The following COBLL1 variants were observed in gnomAD, a reference collection of about 807,000 sequenced individuals.
COBLL1 encodes the protein cordon-bleu WH2 repeat protein like 1.
Under a neutral mutation model 94.8 loss-of-function variants are expected in COBLL1, and 50 were observed. The ratio of observed to expected loss-of-function variants is 0.53; its 90% CI spans 0.42 to 0.67. The LOEUF (loss-of-function observed/expected upper bound fraction) is 0.67. Ranked by LOEUF, COBLL1 falls within the 30% of genes least tolerant of loss-of-function variation. The probability of loss-of-function intolerance (pLI) is 0.00; values close to 1 mark genes in which losing one functional copy is unlikely to be tolerated. For missense variants in COBLL1, 1,362 were observed against 1,348.7 expected (o/e 1.01, Z -0.15); for synonymous variants, 448 against 473.8 (o/e 0.95, Z 0.71).
At chr2:164,764,737 C>T (rs761707128) in intron 2 of COBLL1, among the ~76,000 whole-genome samples, 3 of 152,010 alleles carry the variant, frequency 2.0e-5, no homozygotes, top group Non-Finnish European at 4.4e-5. Flanking sequence ...CTTTCTGGCC[C>T]AAGATGGGAT....
chr2:164,706,313 ACT>A lies in COBLL1; in HGVS notation c.997-1210_997-1209del, dbSNP rs1361214545. 2.6e-5 allele frequency among the ~76,000 whole-genome samples: 4 copies of A among 152,012 alleles called. No homozygotes were observed. In the East Asian group the frequency reaches 5.8e-4, roughly 22 times the overall value. On this transcript the variant is annotated intron_variant, in intron 7 of 13. Transcript: ENST00000652658. The stretch of plus-strand genomic sequence containing the variant: ...CATTTCTTACTCTCTATAGATCCGT[ACT>A]CTCTGGCTACTCAGTTTTCTGTGTC...
intron 3 of COBLL1, among the ~76,000 whole-genome samples, chr2:164,736,817 AAAG>A (rs572126591): frequency 5.4e-4 from 83 of 152,338 alleles, no homozygotes; most frequent in African/African-American, 1.9e-3. Context: ...TTGTTGTAAA[AAAG>A]AAGTGCACAT....
intron 2 of COBLL1, among the ~76,000 whole-genome samples, chr2:164,805,333 C>CTATATATATATATATA (rs1406604214): frequency 2.4e-4 from 5 of 20,554 alleles, no homozygotes; most frequent in South Asian, 1.9e-3. Flanking sequence ...CTCTCTCTCT[C>CTATATATATATATATA]TCTCTATATA....
intron 2 of COBLL1, among the ~76,000 whole-genome samples, chr2:164,781,756 A>G (rs1688733905): frequency 6.6e-6 from 1 of 152,222 alleles, no homozygotes; most frequent in Non-Finnish European, 1.5e-5. Context: ...ACTTTATTTC[A>G]AAGGCTTTAT....
rs1683626847 is a variant in COBLL1 at position 164,841,601 on chromosome 2, A to T, written c.-51+109T>A. 1 of 386,982 alleles carries T rather than the reference A, an allele frequency of 2.6e-6. No individual in the cohort carries two copies. Among genetic ancestry groups the T allele is most frequent in the Non-Finnish European group, 4.0e-6 (1 of 250,470 alleles). 24.0% of individuals were successfully genotyped at this position (386,982 alleles called of 1,614,324 possible). On this transcript the variant is annotated intron_variant, in intron 1 of 13. Transcript: ENST00000652658. This position sits in a 1 kb window ranked among gnomAD's most constrained non-coding sequence, Gnocchi z 5.5. ...GGCACCGCTGCCACGCCGGCAGCGC[A>T]CTCCCAGGCTCCTCCGGCCGAGTTT...
chr2:164,731,142 A>G (rs1426718411), intron 3 of COBLL1, among the ~76,000 whole-genome samples: 1 of 152,224 alleles, frequency 6.6e-6, no homozygotes, highest in Non-Finnish European at 1.5e-5. Context: ...TGTGTTAGTT[A>G]CAACAGCAGA....
intron 2 of COBLL1, among the ~76,000 whole-genome samples, chr2:164,820,469 C>T (rs747236482): frequency 6.6e-6 from 1 of 152,158 alleles, no homozygotes; most frequent in Non-Finnish European, 1.5e-5. Context: ...GATCTGCCCA[C>T]CTTGGCCTCC....
At chr2:164,731,855 C>T (rs1391056125) in intron 3 of COBLL1, among the ~76,000 whole-genome samples, 3 of 152,176 alleles carry the variant, frequency 2.0e-5, no homozygotes, top group African/African-American at 2.4e-5. Flanking sequence ...TCATACGGCA[C>T]GTCACCCCTA....
At chr2:164,833,712 A>G (rs1217671162) in intron 2 of COBLL1, among the ~76,000 whole-genome samples, 1 of 152,108 alleles carries the variant, frequency 6.6e-6, no homozygotes, top group Non-Finnish European at 1.5e-5. Flanking sequence ...GGCCTCCCAA[A>G]GTGCTGGGAT....
chr2:164,739,247 TA>T, intron 3 of COBLL1, among the ~76,000 whole-genome samples: 1 of 152,060 alleles, frequency 6.6e-6, no homozygotes. Flanking sequence ...TCCCTGAGCA[TA>T]AAGTCTGTGA....
At chr2:164,714,275 G>A (rs1472383400) in intron 7 of COBLL1, among the ~76,000 whole-genome samples, 1 of 148,016 alleles carries the variant, frequency 6.8e-6, no homozygotes, top group Non-Finnish European at 1.5e-5. Flanking sequence ...CTCTGATAAA[G>A]TATATAAACT....
In COBLL1 at chr2:164,841,299, C is replaced by T. The variant is rs1683598591; in HGVS notation, c.-50-53G>A. 1 of 1,215,118 alleles carries T rather than the reference C, an allele frequency of 8.2e-7. No individual in the cohort carries two copies. 75.3% of individuals were successfully genotyped at this position (1,215,118 alleles called of 1,614,324 possible). A position where few individuals can be genotyped will look rare whatever the true frequency, so the allele number is the denominator to read the frequency against. On this transcript the variant is annotated intron_variant, in intron 1 of 13. Coordinates refer to ENST00000652658, the MANE Select transcript of COBLL1 (RefSeq NM_001365672.2). The surrounding 1 kb of genome is among the most constrained non-coding windows in gnomAD (Gnocchi z 5.5). ...GGCGGGACGCGCGCCTTCCCGAGGC[C>T]GGAGCGAAGCTGGCTGAGCGTCAAG...
intron 2 of COBLL1, among the ~76,000 whole-genome samples, chr2:164,835,324 T>C (rs1265591543): frequency 6.6e-6 from 1 of 152,204 alleles, no homozygotes; most frequent in Non-Finnish European, 1.5e-5. Context: ...CAATGGAATA[T>C]TATTCAGCTA....
intron 2 of COBLL1, among the ~76,000 whole-genome samples, chr2:164,784,310 T>G (rs907657107): frequency 1.3e-5 from 2 of 152,226 alleles, no homozygotes; most frequent in Admixed American, 1.3e-4. Flanking sequence ...TCAATAAACA[T>G]GTGCTTTTGT....
chr2:164,719,356 G>C (rs1318215089), intron 7 of COBLL1, among the ~76,000 whole-genome samples: 1 of 152,174 alleles, frequency 6.6e-6, no homozygotes, highest in African/African-American at 2.4e-5. Context: ...TTACGAAGTT[G>C]ATGTACAGTT....
intron 13 of COBLL1, chr2:164,687,213 C>CTT (rs879090827): frequency 1.5e-3 from 507 of 342,514 alleles, no homozygotes; most frequent in South Asian, 2.2e-3. Flanking sequence ...GACTTTCTTT[C>CTT]TTTTTTTTTT....
At chr2:164,703,514 T>C (rs943133782) in intron 9 of COBLL1, 1 of 404,610 alleles carries the variant, frequency 2.5e-6, no homozygotes, top group Non-Finnish European at 4.7e-6. Flanking sequence ...ATTTATATTA[T>C]TCTGAGTAAA....
intron 2 of COBLL1, among the ~76,000 whole-genome samples, chr2:164,786,742 C>T (rs945306372): frequency 1.3e-5 from 2 of 152,154 alleles, no homozygotes; most frequent in African/African-American, 4.8e-5. Flanking sequence ...GATTCTTTGT[C>T]ACCAACCCTT....
At chr2:164,687,512 C>T (rs971095299) in intron 13 of COBLL1, 15 of 1,431,570 alleles carry the variant, frequency 1.0e-5, no homozygotes, top group Non-Finnish European at 1.4e-5. Context: ...TTGGTGCGGA[C>T]GGACATGGTA....
Sources: allele counts gnomAD v4.1 joint callset (sites outside exome capture counted in the v4.1 genomes callset), GRCh38; gene constraint gnomAD v4.1.1; non-coding constraint Gnocchi (gnomAD v3.1); transcripts MANE v1.5; gene names NCBI Gene and HGNC (gene_info 2026-07-23, HGNC 2026-07-21).